IGF2BP3: variants seen among roughly 807,000 people sequenced by gnomAD.
IGF2BP3 encodes insulin-like growth factor 2 mRNA-binding protein 3.
Under a neutral mutation model 73.8 loss-of-function variants are expected in IGF2BP3, and 9 were observed. That is an observed-to-expected ratio of 0.12 (90% CI 0.07 to 0.21). The LOEUF (loss-of-function observed/expected upper bound fraction) is 0.21, where lower values mean the gene tolerates loss of function less well. Among genes scored for constraint, IGF2BP3 ranks in the 10% least tolerant of loss-of-function variants. The pLI is 1.00. For missense variants in IGF2BP3, 542 were observed against 714.0 expected (o/e 0.76, Z 2.75); for synonymous variants, 258 against 256.7 (o/e 1.01, Z -0.05).
chr7:23,369,973 A>T (rs1785495280), intron 3 of IGF2BP3, among the ~76,000 whole-genome samples: 2 of 152,140 alleles, frequency 1.3e-5, no homozygotes, highest in South Asian at 2.1e-4. Flanking sequence ...CTGTAGCCTA[A>T]CACTCCATGA....
chr7:23,424,436 G>A (rs530581373), intron 2 of IGF2BP3, among the ~76,000 whole-genome samples: 1 of 152,228 alleles, frequency 6.6e-6, no homozygotes, highest in South Asian at 2.1e-4. Flanking sequence ...GGCGGACATT[G>A]CAGTGAGCCG....
intron 7 of IGF2BP3, among the ~76,000 whole-genome samples, chr7:23,347,074 C>T (rs1317056496): frequency 2.0e-5 from 3 of 152,190 alleles, no homozygotes; most frequent in Non-Finnish European, 4.4e-5. Context: ...TTCAGTGCAG[C>T]GCTGTTCTGT....
intron 2 of IGF2BP3, among the ~76,000 whole-genome samples, chr7:23,447,342 G>A (rs985829230): frequency 6.6e-6 from 1 of 151,754 alleles, no homozygotes; most frequent in South Asian, 2.1e-4. Flanking sequence ...TAAATCAAAT[G>A]AAGGATTACA....
rs77543665 is a variant in IGF2BP3, at chr7:23,404,234, C to A, written c.285+14542G>T. On this transcript the variant is annotated intron_variant, in intron 3 of 14. Transcript: ENST00000258729. ...ATTAAGTTACTCTAAAACCCAAAGG[C>A]AGAGTACTAAAGAGAAGGAAATGAG... Among the ~76,000 whole-genome samples, 1,315 of 151,674 alleles carry A rather than the reference C, an allele frequency of 8.7e-3. 23 individuals carry two copies. The highest frequency in any genetic ancestry group is 0.076 in the East Asian group (395 of 5,176).
chr7:23,389,719 T>TGTG (rs1036653442), intron 3 of IGF2BP3, among the ~76,000 whole-genome samples: 1 of 150,858 alleles, frequency 6.6e-6, no homozygotes, highest in African/African-American at 2.4e-5. Flanking sequence ...TCAGGCTGGG[T>TGTG]GTGGTAGCTC....
At position 23,312,747 on chromosome 7, in the gene IGF2BP3, G is replaced by A; in HGVS notation, c.1629C>T (p.Phe543=). The change falls in exon 14 of 15, where the codon TTC becomes TTT. Residue 543 remains phenylalanine (F), a synonymous_variant. Coordinates refer to ENST00000258729, the MANE Select transcript of IGF2BP3 (RefSeq NM_006547.3). ...DQVVVKITGH[F]YACQVAQRKI... ...AGAGCCCACTTGCCTGGCAAGCATA[G>A]AAGTGACCAGTTATTTTGACAACCA... 6.2e-7 allele frequency: 1 copy of A among 1,607,532 alleles called. No homozygotes were observed. The highest frequency in any genetic ancestry group is 8.5e-7 in the Non-Finnish European group (1 of 1,176,578).
In IGF2BP3 at chr7:23,342,207, C is replaced by G; in HGVS notation, c.1078-18G>C. On this transcript the variant is annotated intron_variant, in intron 9 of 14. Coordinates refer to ENST00000258729, the MANE Select transcript of IGF2BP3 (RefSeq NM_006547.3). ...GCTTGAAGCTGCAACAGTAAAAAGG[C>G]CCCTTAATTTGACAATTAAAAGAAT... The G allele has an allele frequency of 6.2e-7, 1 of 1,612,630 alleles. No individual in the cohort carries two copies. Among genetic ancestry groups the G allele is most frequent in the Non-Finnish European group, 8.5e-7 (1 of 1,179,076 alleles).
chr7:23,460,304 G>A (rs955151491), intron 2 of IGF2BP3, among the ~76,000 whole-genome samples: 6 of 152,042 alleles, frequency 3.9e-5, no homozygotes, highest in African/African-American at 1.2e-4. Flanking sequence ...GAGGTGGGCA[G>A]ATTACCTGAA....
intron 10 of IGF2BP3, among the ~76,000 whole-genome samples, chr7:23,328,282 C>T (rs1322499770): frequency 6.6e-6 from 1 of 152,078 alleles, no homozygotes. Context: ...AATCTTGGCT[C>T]ACTGCAACCT....
intron 3 of IGF2BP3, among the ~76,000 whole-genome samples, chr7:23,391,162 C>T (rs1247801700): frequency 7.0e-5 from 10 of 142,330 alleles, no homozygotes; most frequent in Middle Eastern, 4.3e-3. Context: ...TGCAGTGGCA[C>T]GATCTTGGCT....
At chr7:23,423,949 C>G (rs1310298791) in intron 2 of IGF2BP3, among the ~76,000 whole-genome samples, 2 of 151,636 alleles carry the variant, frequency 1.3e-5, no homozygotes, top group Non-Finnish European at 2.9e-5. Context: ...GAAACCTCGT[C>G]TCTACTAAAA....
At chr7:23,459,858 C>T (rs1390470370) in intron 2 of IGF2BP3, among the ~76,000 whole-genome samples, 1 of 151,452 alleles carries the variant, frequency 6.6e-6, no homozygotes, top group Non-Finnish European at 1.5e-5. Context: ...TGGACTTGGT[C>T]TACACTCTTT....
rs191409027 is a variant in IGF2BP3, at chr7:23,341,207, T to C, written c.1203+857A>G. Among the ~76,000 whole-genome samples the C allele has an allele frequency of 7.5e-4, 114 of 152,304 alleles. 1 individual carries two copies. In the East Asian group the frequency reaches 0.021, roughly 28 times the overall value. On this transcript the variant is annotated intron_variant, in intron 10 of 14. Coordinates refer to ENST00000258729, the MANE Select transcript of IGF2BP3 (RefSeq NM_006547.3). ...ACAAAATAAACATCTGCTTAATGTA[T>C]GCACGCACACACACAATATAATTGT...
intron 10 of IGF2BP3, among the ~76,000 whole-genome samples, chr7:23,323,187 GAC>G (rs1158026455): frequency 6.6e-6 from 1 of 151,974 alleles, no homozygotes; most frequent in Non-Finnish European, 1.5e-5. Flanking sequence ...ATCACGTGCA[GAC>G]ACACACATAG....
chr7:23,315,729 G>A (rs1783971638), intron 12 of IGF2BP3, among the ~76,000 whole-genome samples: 1 of 152,150 alleles, frequency 6.6e-6, no homozygotes, highest in South Asian at 2.1e-4. Flanking sequence ...AGACACTAGG[G>A]ATATACACTA....
intron 3 of IGF2BP3, among the ~76,000 whole-genome samples, chr7:23,412,006 T>TC (rs1554331831): frequency 4.8e-5 from 7 of 147,110 alleles, no homozygotes; most frequent in East Asian, 2.0e-4. Context: ...TTTTTTTTTT[T>TC]CAGTAGAGTC....
At chr7:23,343,240 T>C (rs983281671) in intron 9 of IGF2BP3, among the ~76,000 whole-genome samples, 3 of 152,220 alleles carry the variant, frequency 2.0e-5, no homozygotes, top group African/African-American at 7.2e-5. Flanking sequence ...ATATGCATTA[T>C]ATCTATTGTA....
At chr7:23,438,109 C>A (rs535583751) in intron 2 of IGF2BP3, among the ~76,000 whole-genome samples, 2 of 152,272 alleles carry the variant, frequency 1.3e-5, no homozygotes, top group East Asian at 1.9e-4. Context: ...TAGAAATTAT[C>A]GAACTTACTT....
At chr7:23,353,264 A>G (rs1346378423) in intron 5 of IGF2BP3, among the ~76,000 whole-genome samples, 1 of 152,118 alleles carries the variant, frequency 6.6e-6, no homozygotes, top group Non-Finnish European at 1.5e-5. Context: ...TCTACTCTCA[A>G]TTCTTAAATA....
Sources: gnomAD v4.1 joint callset for allele counts (sites outside exome capture counted in the v4.1 genomes callset) on GRCh38, gnomAD v4.1.1 for gene constraint, MANE v1.5 for transcripts, NCBI Gene and HGNC (gene_info 2026-07-23, HGNC 2026-07-21) for gene names.